The following TM4SF4 variants were observed in gnomAD, a reference collection of about 807,000 sequenced individuals.
TM4SF4 encodes transmembrane 4 L six family member 4.
Under a neutral mutation model 24.1 loss-of-function variants are expected in TM4SF4, and 24 were observed. The observed-to-expected ratio is 1.00, with a 90% confidence interval of 0.72 to 1.40. The LOEUF (loss-of-function observed/expected upper bound fraction) is 1.40. Ranked by LOEUF, TM4SF4 falls within the 40% of genes most tolerant of loss-of-function variation. The probability of loss-of-function intolerance (pLI) is 0.00; values close to 1 mark genes in which losing one functional copy is unlikely to be tolerated. For synonymous variants in TM4SF4, 113 were observed against 97.0 expected (o/e 1.17, Z -0.97); for missense variants, 254 against 254.2 (o/e 1.00, Z 0.01).
chr3:149,499,032 TG>T (rs771956930), intron 4 of TM4SF4, 121 bp downstream of exon 4: 1 of 1,031,576 alleles, frequency 9.7e-7, no homozygotes, highest in Non-Finnish European at 1.4e-6. Flanking sequence ...TGTGGCCACC[TG>T]CAGAAAACCA....
chr3:149,477,381 C>T (rs938678572), intron 2 of TM4SF4, among the ~76,000 whole-genome samples: 41 of 152,328 alleles, frequency 2.7e-4, no homozygotes, highest in Non-Finnish European at 3.5e-4. Context: ...CTCCTGTAAT[C>T]TCCCATGGTT....
rs553711584 is a variant in TM4SF4, at chr3:149,487,751, G to T, written c.397G>T (p.Asp133Tyr). 2.2e-5 allele frequency: 35 copies of T among 1,613,936 alleles called. No individual in the cohort carries two copies. The East Asian group carries it at 6.5e-4, about 30-fold the overall frequency. ...ANSTWGYPFH[D>Y]GDYLNDEALW... is the part of the protein sequence containing the mutation. ...TAGTACATGGGGCTACCCCTTCCAC[G>T]ACGGGTAAGGCCACACCCTGCAATG... Residue 133 changes from aspartate (D) to tyrosine (Y), a missense_variant, in exon 3 of 5, where the codon GAC becomes TAC. By Grantham distance (160) the Asp-to-Tyr change is radical. Transcript: ENST00000305354.
rs1381146136 is a variant in TM4SF4, at chr3:149,475,057, T to C, written c.174+6T>C. On this transcript the variant is annotated splice_donor_region_variant and intron_variant, in intron 1 of 4. Coordinates refer to ENST00000305354, the MANE Select transcript of TM4SF4 (RefSeq NM_004617.4). ...TATTAGGAAGCGGTGTCTTGGTGAG[T>C]AGGGAAGCTTAAAATCCCCCTAAGG... 1.3e-6 allele frequency: 2 copies of C among 1,540,956 alleles called. No homozygotes were observed. The highest frequency in any genetic ancestry group is 2.9e-5 in the African/African-American group (2 of 68,726).
At chr3:149,490,072 T>C (rs1734184996) in intron 3 of TM4SF4, among the ~76,000 whole-genome samples, 2 of 152,252 alleles carry the variant, frequency 1.3e-5, no homozygotes, top group South Asian at 4.1e-4. Flanking sequence ...TGATTTTGAC[T>C]ACTTATGTTT....
At chr3:149,484,269 A>G (rs1203295257) in intron 2 of TM4SF4, among the ~76,000 whole-genome samples, 1 of 152,192 alleles carries the variant, frequency 6.6e-6, no homozygotes, top group Non-Finnish European at 1.5e-5. Context: ...CACAAATATC[A>G]ATTCTCATAA....
At chr3:149,489,734 C>G (rs960531809) in intron 3 of TM4SF4, among the ~76,000 whole-genome samples, 1 of 152,150 alleles carries the variant, frequency 6.6e-6, no homozygotes, top group African/African-American at 2.4e-5. Flanking sequence ...GTGTATTGCT[C>G]TGTAATAGAT....
chr3:149,495,547 G>T (rs1734294562), intron 3 of TM4SF4: 2 of 392,588 alleles, frequency 5.1e-6, no homozygotes, highest in East Asian at 8.3e-5. Context: ...GAAAATGTGG[G>T]CTTCAGTGTT....
At chr3:149,496,002 C>A in intron 3 of TM4SF4, 1 of 263,548 alleles carries the variant, frequency 3.8e-6, no homozygotes, top group Middle Eastern at 1.8e-3. Flanking sequence ...GCTCAGAAGG[C>A]TAAGTGAATA....
intron 3 of TM4SF4, among the ~76,000 whole-genome samples, chr3:149,493,966 C>T (rs1044866505): frequency 1.4e-4 from 21 of 152,210 alleles, no homozygotes; most frequent in African/African-American, 4.8e-4. Flanking sequence ...CTGTGAAATT[C>T]GTGCCTTTCT....
intron 4 of TM4SF4, among the ~76,000 whole-genome samples, chr3:149,500,733 A>G (rs887233781): frequency 6.6e-6 from 1 of 152,166 alleles, no homozygotes; most frequent in Non-Finnish European, 1.5e-5. Flanking sequence ...TTGGCTGGAC[A>G]TGGTGGCTCA....
At chr3:149,486,547 G>A (rs1032443112) in intron 2 of TM4SF4, among the ~76,000 whole-genome samples, 45 of 152,124 alleles carry the variant, frequency 3.0e-4, no homozygotes, top group Admixed American at 2.7e-3. Flanking sequence ...TTTTTCATCC[G>A]TAAGAGGGAG....
intron 1 of TM4SF4, 25 bp downstream of exon 1, chr3:149,475,076 C>T: frequency 1.9e-6 from 3 of 1,595,196 alleles, no homozygotes; most frequent in Non-Finnish European, 2.6e-6. Flanking sequence ...TTAAAATCCC[C>T]CTAAGGGAGA....
intron 2 of TM4SF4, among the ~76,000 whole-genome samples, chr3:149,485,821 A>T (rs1031853635): frequency 7.8e-6 from 1 of 128,150 alleles, no homozygotes; most frequent in African/African-American, 2.5e-5. Flanking sequence ...AAAACAAAAA[A>T]ACCTATGCAT....
intron 2 of TM4SF4, among the ~76,000 whole-genome samples, chr3:149,476,694 C>A (rs527377721): frequency 4.3e-4 from 66 of 152,274 alleles, no homozygotes; most frequent in South Asian, 1.7e-3. Context: ...CATAGAATGT[C>A]ATTCCCATTC....
chr3:149,481,261 T>C (rs1734028582), intron 2 of TM4SF4, among the ~76,000 whole-genome samples: 1 of 143,158 alleles, frequency 7.0e-6, no homozygotes, highest in Admixed American at 7.1e-5. Flanking sequence ...GGGAAGATTT[T>C]GCAAGCATTT....
intron 3 of TM4SF4, chr3:149,494,703 A>G (rs1399897281): frequency 6.6e-6 from 1 of 152,482 alleles, no homozygotes; most frequent in Non-Finnish European, 1.5e-5. Context: ...GTTATTGGAC[A>G]CGTAGATTCA....
Position 149,474,916 on chromosome 3 carries a change from C to T in TM4SF4, c.39C>T (p.Thr13=). The T allele has an allele frequency of 1.2e-6, 2 of 1,613,858 alleles. No individual in the cohort carries two copies. The highest frequency in any genetic ancestry group is 1.7e-6 in the Non-Finnish European group (2 of 1,179,846). Residue 13 remains threonine, a synonymous_variant, in exon 1 of 5, where the codon ACC becomes ACT. Transcript: ENST00000305354. Reference sequence around the variant, plus strand: ...GCTGTGCCAGATGCCTGGGGGGGACCCTCATTCCCCTTGCTTTTTTTGGCT... The same window carrying T: ...GCTGTGCCAGATGCCTGGGGGGGACTCTCATTCCCCTTGCTTTTTTTGGCT... ...TGGCARCLGG[T]LIPLAFFGFL...
chr3:149,499,489 C>T (rs1449780783), intron 4 of TM4SF4, among the ~76,000 whole-genome samples: 2 of 152,128 alleles, frequency 1.3e-5, no homozygotes, highest in Non-Finnish European at 2.9e-5. Flanking sequence ...TAAAAACAGA[C>T]TTGCAGACAG....
In TM4SF4 at chr3:149,474,872, C is replaced by T. The variant is rs1389764262; in HGVS notation, c.-6C>T. On this transcript the variant is annotated 5_prime_UTR_variant, in exon 1 of 5. Transcript: ENST00000305354. ...TGATTGCTGACCTGTGTCGTACCAC[C>T]CCAGAATGTGCACTGGGGGCTGTGC... 6.2e-7 allele frequency: 1 copy of T among 1,610,716 alleles called. No homozygotes were observed. Among genetic ancestry groups the T allele is most frequent in the African/African-American group, 1.3e-5 (1 of 74,614 alleles).
Sources: allele counts gnomAD v4.1 joint callset (sites outside exome capture counted in the v4.1 genomes callset), GRCh38; gene constraint gnomAD v4.1.1; transcripts MANE v1.5; gene names NCBI Gene and HGNC (gene_info 2026-07-23, HGNC 2026-07-21).